Variants in GNA11 observed in about 807,000 individuals in gnomAD.
GNA11 encodes G protein subunit alpha 11.
In GNA11, 8 loss-of-function variants were observed where a neutral mutation model predicts 38.2. The observed-to-expected ratio is 0.21, with a 90% CI of 0.12 to 0.38. The LOEUF (loss-of-function observed/expected upper bound fraction) is 0.38, where lower values mean the gene tolerates loss of function less well. Among genes scored for constraint, GNA11 ranks in the 10% least tolerant of loss-of-function variants. The pLI is 1.00. For missense variants in GNA11, 268 were observed against 516.3 expected, an observed-to-expected ratio of 0.52 and a Z score of 4.66; for synonymous variants, 211 against 221.4, an observed-to-expected ratio of 0.95 and a Z score of 0.42.
Position 3,123,502 on chromosome 19 carries a change from A to T in GNA11, c.*2323A>T, listed in dbSNP as rs1369214133. 1 of 233,138 alleles carries T rather than the reference A, an allele frequency of 4.3e-6. No individual in the cohort carries two copies. Among genetic ancestry groups the T allele is most frequent in the East Asian group, 6.0e-5 (1 of 16,586 alleles). 14.4% of individuals were successfully genotyped at this position (233,138 alleles called of 1,614,324 possible). A position where few individuals can be genotyped will look rare whatever the true frequency, so the allele number is the denominator to read the frequency against. On this transcript the variant is annotated 3_prime_UTR_variant, in exon 7 of 7. Coordinates refer to ENST00000078429, the MANE Select transcript of GNA11 (RefSeq NM_002067.5). Reference sequence around the variant, plus strand: ...TTGCCACGTGTGGGGCCACGTGGGCATGTGGGGTGTGTGTTTTTACCTTGG... The same window carrying T: ...TTGCCACGTGTGGGGCCACGTGGGCTTGTGGGGTGTGTGTTTTTACCTTGG...
intron 1 of GNA11, among the ~76,000 whole-genome samples, chr19:3,106,673 CG>C (rs1913646547): frequency 6.6e-6 from 1 of 152,236 alleles, no homozygotes; most frequent in African/African-American, 2.4e-5. Context: ...CAGCTGTGTA[CG>C]GGCTGCATGT....
At chr19:3,097,674 G>T (rs973676434) in intron 1 of GNA11, among the ~76,000 whole-genome samples, 4 of 152,242 alleles carry the variant, frequency 2.6e-5, no homozygotes, top group Admixed American at 2.0e-4. Flanking sequence ...GGGTGGGGGG[G>T]ACCTTACGGA....
intron 1 of GNA11, among the ~76,000 whole-genome samples, chr19:3,098,388 C>A (rs1180281943): frequency 6.6e-6 from 1 of 152,228 alleles, no homozygotes; most frequent in Non-Finnish European, 1.5e-5. Flanking sequence ...TCCCCAGGCC[C>A]GCTGGGCTTC....
chr19:3,116,309 C>T (rs553858931), intron 4 of GNA11, among the ~76,000 whole-genome samples: 32 of 152,262 alleles, frequency 2.1e-4, no homozygotes, highest in Admixed American at 7.8e-4. Flanking sequence ...CTGCTGGTGT[C>T]GGGCGTGAGA....
rs1036224038 is a variant in GNA11, at chr19:3,112,079, G to T, written c.322-1251G>T. Among the ~76,000 whole-genome samples the T allele has an allele frequency of 1.3e-4, 20 of 150,578 alleles. 1 individual carries two copies. The highest frequency in any genetic ancestry group is 2.8e-4 in the Non-Finnish European group (19 of 68,022). ...ACCCATTTCTGCCATGTTGCCCATG[G>T]TGCTTCAGCAGCAGCAGCAGAGCCG... On this transcript the variant is annotated intron_variant, in intron 2 of 6. Transcript: ENST00000078429.
chr19:3,118,717 T>G, intron 4 of GNA11: 1 of 533,730 alleles, frequency 1.9e-6, no homozygotes, highest in Non-Finnish European at 3.3e-6. Context: ...CCTTTGCCAG[T>G]GAGGGAAGGG....
intron 3 of GNA11, among the ~76,000 whole-genome samples, chr19:3,114,269 C>T (rs1188354543): frequency 6.6e-6 from 1 of 152,218 alleles, no homozygotes; most frequent in East Asian, 1.9e-4. Flanking sequence ...TTACAACCCC[C>T]ACCCCAGGCA....
At chr19:3,109,850 C>T (rs1484007194) in intron 1 of GNA11, among the ~76,000 whole-genome samples, 3 of 152,218 alleles carry the variant, frequency 2.0e-5, no homozygotes, top group Non-Finnish European at 1.5e-5. Flanking sequence ...TGGCCTGAGA[C>T]CGTGTGGTCT....
At position 3,119,806 on chromosome 19, in the gene GNA11, C is replaced by T. The variant is rs562409041; in HGVS notation, c.889+447C>T. ...AGGAAGGGTTCACGCACACTGCCAGCGCAGCCCCGTGGGGACCTTGGTGGT... is the reference window on the plus strand; with the variant it reads ...AGGAAGGGTTCACGCACACTGCCAGTGCAGCCCCGTGGGGACCTTGGTGGT... On this transcript the variant is annotated intron_variant, in intron 6 of 6. Transcript: ENST00000078429. The surrounding 1 kb of genome is among the most constrained non-coding windows in gnomAD (Gnocchi z 4.6). Among the ~76,000 whole-genome samples the T allele has an allele frequency of 3.3e-5, 5 of 151,802 alleles. No homozygotes were observed. Among genetic ancestry groups the T allele is most frequent in the African/African-American group, 4.8e-5 (2 of 41,290 alleles).
At position 3,094,782 on chromosome 19, in the gene GNA11, T is replaced by C; in HGVS notation, c.131T>C (p.Leu44Pro). ...RDARRELKLL[L>P]LGTGESGKST... ...GCCCGGCGCGAGCTCAAGCTGCTGC[T>C]GCTCGGTGAGTGCGGCCCCCGGGCC... Residue 44 changes from leucine (L) to proline (P), a missense_variant, in exon 1 of 7, where the codon CTG becomes CCG. Coordinates refer to ENST00000078429, the MANE Select transcript of GNA11 (RefSeq NM_002067.5). This position sits in a 1 kb window ranked among gnomAD's most constrained non-coding sequence, Gnocchi z 6.0. The C allele has an allele frequency of 6.3e-7, 1 of 1,581,732 alleles. No homozygotes were observed. Among genetic ancestry groups the C allele is most frequent in the Non-Finnish European group, 8.6e-7 (1 of 1,166,358 alleles).
rs567021445 is a variant in GNA11, at chr19:3,119,393, G to A, written c.889+34G>A. 1.0e-5 allele frequency: 16 copies of A among 1,604,374 alleles called. No homozygotes were observed. The highest frequency in any genetic ancestry group is 6.7e-5 in the South Asian group (6 of 89,580). On this transcript the variant is annotated intron_variant, in intron 6 of 6. Coordinates refer to ENST00000078429, the MANE Select transcript of GNA11 (RefSeq NM_002067.5). The surrounding 1 kb of genome is among the most constrained non-coding windows in gnomAD (Gnocchi z 4.6). ...GGCTGCGGCATGGGGAGGGGCTCGC[G>A]GGCAGGGCCTTACTGGGGGGAGGGG... is the stretch of plus-strand genomic sequence containing the variant.
chr19:3,101,756 T>C (rs1388773765), intron 1 of GNA11, among the ~76,000 whole-genome samples: 1 of 152,108 alleles, frequency 6.6e-6, no homozygotes, highest in Admixed American at 6.6e-5. Flanking sequence ...GGGGCTTCAG[T>C]AATGGCTGTG....
chr19:3,123,154 T>G lies in GNA11; in HGVS notation c.*1975T>G, dbSNP rs1368520060. The G allele has an allele frequency of 4.3e-6, 1 of 233,110 alleles. No individual in the cohort carries two copies. The highest frequency in any genetic ancestry group is 2.2e-5 in the African/African-American group (1 of 45,340). The allele number at this position is 233,110 out of a possible 1,614,324, so 14.4% of individuals were successfully genotyped here. ...GAGCCCTCTGGGGGGCCTGTGCTTGTGGCATCTCTGAGGGCCTAGATTGCA... is the reference window on the plus strand; with the variant it reads ...GAGCCCTCTGGGGGGCCTGTGCTTGGGGCATCTCTGAGGGCCTAGATTGCA... On this transcript the variant is annotated 3_prime_UTR_variant, in exon 7 of 7. Transcript: ENST00000078429.
rs1599307870 is a variant in GNA11, at chr19:3,119,508, G to A, written c.889+149G>A. ...TCATGTATGGGAGTGGAGTCTCAGGGAAGGGAGATCTCGTATGAGGGGGGC... is the reference window on the plus strand; with the variant it reads ...TCATGTATGGGAGTGGAGTCTCAGGAAAGGGAGATCTCGTATGAGGGGGGC... On this transcript the variant is annotated intron_variant, in intron 6 of 6. Coordinates refer to ENST00000078429, the MANE Select transcript of GNA11 (RefSeq NM_002067.5). This position sits in a 1 kb window ranked among gnomAD's most constrained non-coding sequence, Gnocchi z 4.6. 4.4e-6 allele frequency: 3 copies of A among 679,908 alleles called. 1 individual carries two copies. Among genetic ancestry groups the A allele is most frequent in the South Asian group, 3.8e-5 (2 of 52,840 alleles). The allele number at this position is 679,908 out of a possible 1,614,324, so 42.1% of individuals were successfully genotyped here.
rs536442833 is a variant in GNA11, at chr19:3,119,126, C to A, written c.735+73C>A. On this transcript the variant is annotated intron_variant, in intron 5 of 6. Coordinates refer to ENST00000078429, the MANE Select transcript of GNA11 (RefSeq NM_002067.5). The surrounding 1 kb of genome is among the most constrained non-coding windows in gnomAD (Gnocchi z 4.6). ...CACCTGCCAAGCCTGGGTCCCCTCA[C>A]CTGGGTCCCCCCAGCTGCCCCTTGG... 1 of 1,602,694 alleles carries A rather than the reference C, an allele frequency of 6.2e-7. No homozygotes were observed. Among genetic ancestry groups the A allele is most frequent in the Non-Finnish European group, 8.5e-7 (1 of 1,171,178 alleles).
chr19:3,114,141 C>T (rs1252701046), intron 3 of GNA11, among the ~76,000 whole-genome samples: 1 of 152,172 alleles, frequency 6.6e-6, no homozygotes, highest in Non-Finnish European at 1.5e-5. Flanking sequence ...TCCTGCCCGT[C>T]CTCTGTGTGT....
At chr19:3,103,439 C>T (rs1913553016) in intron 1 of GNA11, among the ~76,000 whole-genome samples, 2 of 148,882 alleles carry the variant, frequency 1.3e-5, no homozygotes, top group South Asian at 4.3e-4. Context: ...TCTCCAACTT[C>T]TGACCTCAGG....
chr19:3,098,865 G>T (rs2145304825), intron 1 of GNA11, among the ~76,000 whole-genome samples: 1 of 152,328 alleles, frequency 6.6e-6, no homozygotes, highest in South Asian at 2.1e-4. Context: ...GTGGGGACTT[G>T]GTCCGGGCCT....
chr19:3,096,946 A>C (rs1017795698), intron 1 of GNA11, among the ~76,000 whole-genome samples: 2 of 152,082 alleles, frequency 1.3e-5, no homozygotes, highest in Non-Finnish European at 2.9e-5. Context: ...GATGCGACAG[A>C]CCCTCAGAAA....
Sources: allele counts gnomAD v4.1 joint callset (sites outside exome capture counted in the v4.1 genomes callset), GRCh38; gene constraint gnomAD v4.1.1; non-coding constraint Gnocchi (gnomAD v3.1); transcripts MANE v1.5; gene names NCBI Gene and HGNC (gene_info 2026-07-23, HGNC 2026-07-21).